The following TPSAB1 variants were observed in gnomAD, a reference collection of about 807,000 sequenced individuals.
TPSAB1 encodes the protein tryptase alpha/beta 1.
In TPSAB1, 15 loss-of-function variants were observed where a neutral mutation model predicts 21.8. The ratio of observed to expected loss-of-function variants is 0.69; its 90% CI spans 0.46 to 1.06. The LOEUF is 1.06. Among genes scored for constraint, TPSAB1 ranks in the 50% least tolerant of loss-of-function variants. TPSAB1 has a pLI of 0.00. For missense variants in TPSAB1, 186 were observed against 311.2 expected (o/e 0.60, Z 3.03); for synonymous variants, 74 against 140.4 (o/e 0.53, Z 3.34).
rs367796167 is a variant in TPSAB1 at position 1,242,116 on chromosome 16, C to A, written c.704C>A (p.Thr235Asn). The change falls in exon 6 of 6, where the codon ACC becomes AAC. Residue 235 changes from threonine (T) to asparagine (N), a missense_variant. Thr to Asn is a moderately conservative substitution (Grantham distance 65). Around this residue, in one of 4 missense-constraint regions of TPSAB1, gnomAD observed 85 missense variants for 104.3 expected, o/e 0.81. Transcript: ENST00000338844. The stretch of plus-strand genomic sequence containing the variant: ...CCCCTGGTGTGCAAGGTGAATGGCA[C>A]CTGGCTGCAGGCGGGCGTGGTCAGC... ...GGPLVCKVNG[T>N]WLQAGVVSWG... 4 of 1,525,634 alleles carry A rather than the reference C, an allele frequency of 2.6e-6. No individual in the cohort carries two copies. In the South Asian group the frequency reaches 4.6e-5, roughly 18 times the overall value. 94.5% of individuals were successfully genotyped at this position (1,525,634 alleles called of 1,614,324 possible). A position where few individuals can be genotyped will look rare whatever the true frequency, so the allele number is the denominator to read the frequency against.
Position 1,242,283 on chromosome 16 carries a change from C to T in TPSAB1, c.*43C>T, listed in dbSNP as rs774357782. Reference sequence around the variant, plus strand: ...CACCTGGGTCACTGGAGGACCAACCCCTGCTGTCCAAAACACCACTGCTTC... The same window carrying T: ...CACCTGGGTCACTGGAGGACCAACCTCTGCTGTCCAAAACACCACTGCTTC... On this transcript the variant is annotated 3_prime_UTR_variant, in exon 6 of 6. Coordinates refer to ENST00000338844, the MANE Select transcript of TPSAB1 (RefSeq NM_003294.4). The T allele has an allele frequency of 9.3e-6, 15 of 1,610,050 alleles. 2 individuals are homozygous for T. The South Asian group carries it at 1.0e-4, about 11-fold the overall frequency.
rs2234906 is a variant in TPSAB1, at chr16:1,241,974, G to A, written c.647G>A (p.Arg216Gln). ...GACATGCTGTGTGCCGGGAACACCCGGAGGGACTCATGCCAGGTGGGCCCC... is the reference window on the plus strand; with the variant it reads ...GACATGCTGTGTGCCGGGAACACCCAGAGGGACTCATGCCAGGTGGGCCCC... Reference protein sequence around the residue: ...RDDMLCAGNTRRDSCQGDSGG... With the variant: ...RDDMLCAGNTQRDSCQGDSGG... Residue 216 changes from arginine (R) to glutamine (Q), a missense_variant, in exon 5 of 6, where the codon CGG becomes CAG. Physicochemically the swap from Arg to Gln is conservative, Grantham distance 43. This residue lies in a region of TPSAB1 where 85 missense variants were observed against 104.3 expected (regional missense o/e 0.81). Transcript: ENST00000338844. 51,910 of 533,364 alleles carry A rather than the reference G, an allele frequency of 0.097. 56 individuals carry two copies. Among genetic ancestry groups the A allele is most frequent in the Middle Eastern group, 0.13 (253 of 1,992 alleles). The allele number at this position is 533,364 out of a possible 1,614,324, so 33.0% of individuals were successfully genotyped here.
chr16:1,242,244 A>C lies in TPSAB1; in HGVS notation c.*4A>C. The C allele has an allele frequency of 6.2e-7, 1 of 1,612,534 alleles. No homozygotes were observed. The highest frequency in any genetic ancestry group is 8.5e-7 in the Non-Finnish European group (1 of 1,179,460). Reference sequence around the variant, plus strand: ...CTATGTCCCCAAAAAGCCGTGAGTCAGGCCTGGGTTGGCCACCTGGGTCAC... The same window carrying C: ...CTATGTCCCCAAAAAGCCGTGAGTCCGGCCTGGGTTGGCCACCTGGGTCAC... On this transcript the variant is annotated 3_prime_UTR_variant, in exon 6 of 6. Transcript: ENST00000338844.
In TPSAB1 at chr16:1,241,942, C is replaced by T; in HGVS notation, c.615C>T (p.Val205=). 1 of 575,822 alleles carries T rather than the reference C, an allele frequency of 1.7e-6. No individual in the cohort carries two copies. Among genetic ancestry groups the T allele is most frequent in the Non-Finnish European group, 2.7e-6 (1 of 369,006 alleles). 35.7% of individuals were successfully genotyped at this position (575,822 alleles called of 1,614,324 possible). ...GAYTGDDVRI[V]RDDMLCAGNT... ...ACACGGGAGACGACGTCCGCATCGT[C>T]CGTGACGACATGCTGTGTGCCGGGA... Residue 205 remains valine, a synonymous_variant, in exon 5 of 6, where the codon GTC becomes GTT. Coordinates refer to ENST00000338844, the MANE Select transcript of TPSAB1 (RefSeq NM_003294.4).
intron 3 of TPSAB1, 52 bp from the exon 4 acceptor site, chr16:1,241,382 G>C (rs1402212865): frequency 1.2e-6 from 2 of 1,606,118 alleles, no homozygotes; most frequent in African/African-American, 1.3e-5. Context: ...CCTGGCTCCC[G>C]GGTGCTCCTG....
intron 5 of TPSAB1, 21 bp downstream of exon 5, chr16:1,242,011 GC>G (rs755597001): frequency 1.5e-5 from 2 of 132,454 alleles, no homozygotes; most frequent in South Asian, 4.2e-5. Flanking sequence ...CCTGTCCCCC[GC>G]CCCCCGCCCC....
Position 1,241,519 on chromosome 16 carries a change from A to G in TPSAB1, c.319A>G (p.Ile107Val). ...GGACCAGCTGCTGCCGGTCAGCAGG[A>G]TCATCGTGCACCCACAGTTCTACAC... ...YQDQLLPVSR[I>V]IVHPQFYTAQ... The change falls in exon 4 of 6, where the codon ATC (isoleucine) becomes GTC (valine). Residue 107 changes from isoleucine to valine, a missense_variant. By Grantham distance (29) the Ile-to-Val change is conservative. Transcript: ENST00000338844. 1 of 1,492,444 alleles carries G rather than the reference A, an allele frequency of 6.7e-7. No homozygotes were observed. The highest frequency in any genetic ancestry group is 9.0e-7 in the Non-Finnish European group (1 of 1,107,730). 92.5% of individuals were successfully genotyped at this position (1,492,444 alleles called of 1,614,324 possible). A position where few individuals can be genotyped will look rare whatever the true frequency, so the allele number is the denominator to read the frequency against.
At position 1,241,200 on chromosome 16, in the gene TPSAB1, G is replaced by A. The variant is rs769185571; in HGVS notation, c.109G>A (p.Ala37Thr). Residue 37 changes from alanine (A) to threonine (T), a missense_variant, in exon 3 of 6, where the codon GCC becomes ACC. Coordinates refer to ENST00000338844, the MANE Select transcript of TPSAB1 (RefSeq NM_003294.4). The part of the protein sequence containing the change: ...QRVGIVGGQE[A>T]PRSKWPWQVS... Reference sequence around the variant, plus strand: ...AGTGGGCATCGTCGGGGGTCAGGAGGCCCCCAGGAGCAAGTGGCCCTGGCA... The same window carrying A: ...AGTGGGCATCGTCGGGGGTCAGGAGACCCCCAGGAGCAAGTGGCCCTGGCA... 7.4e-6 allele frequency: 12 copies of A among 1,610,988 alleles called. No individual in the cohort carries two copies. Among genetic ancestry groups the A allele is most frequent in the South Asian group, 2.2e-5 (2 of 90,702 alleles).
In TPSAB1 at chr16:1,242,423, C is replaced by T. The variant is rs1353696803; in HGVS notation, c.*183C>T. 3 of 389,340 alleles carry T rather than the reference C, an allele frequency of 7.7e-6. No homozygotes were observed. Among genetic ancestry groups the T allele is most frequent in the Non-Finnish European group, 7.6e-6 (2 of 261,686 alleles). 24.1% of individuals were successfully genotyped at this position (389,340 alleles called of 1,614,324 possible). A position where few individuals can be genotyped will look rare whatever the true frequency, so the allele number is the denominator to read the frequency against. ...CTTCCCCTGTCCTGAGGACCCTTCC[C>T]TATCCTGAGCCCCCTTCCCTGTCCT... On this transcript the variant is annotated 3_prime_UTR_variant, in exon 6 of 6. Transcript: ENST00000338844.
rs1567574102 is a variant in TPSAB1, at chr16:1,242,282, C to T, written c.*42C>T. The stretch of plus-strand genomic sequence containing the variant: ...CCACCTGGGTCACTGGAGGACCAAC[C>T]CCTGCTGTCCAAAACACCACTGCTT... On this transcript the variant is annotated 3_prime_UTR_variant, in exon 6 of 6. Coordinates refer to ENST00000338844, the MANE Select transcript of TPSAB1 (RefSeq NM_003294.4). 7 of 1,609,982 alleles carry T rather than the reference C, an allele frequency of 4.3e-6. No homozygotes were observed.
In TPSAB1 at chr16:1,242,276, A is replaced by T. The variant is rs368242113; in HGVS notation, c.*36A>T. On this transcript the variant is annotated 3_prime_UTR_variant, in exon 6 of 6. Coordinates refer to ENST00000338844, the MANE Select transcript of TPSAB1 (RefSeq NM_003294.4). ...GGTTGGCCACCTGGGTCACTGGAGG[A>T]CCAACCCCTGCTGTCCAAAACACCA... The T allele has an allele frequency of 6.2e-7, 1 of 1,610,822 alleles. No individual in the cohort carries two copies. The highest frequency in any genetic ancestry group is 1.7e-5 in the Admixed American group (1 of 59,930).
In TPSAB1 at chr16:1,241,338, G is replaced by T; in HGVS notation, c.233+14G>T. 6.2e-7 allele frequency: 1 copy of T among 1,612,198 alleles called. No individual in the cohort carries two copies. The highest frequency in any genetic ancestry group is 8.5e-7 in the Non-Finnish European group (1 of 1,179,146). Reference sequence around the variant, plus strand: ...CTGCGTGGGACCGTGAGTCTCCCGGGGCCTGGAGGGGTGGGGAAGGGCTGG... The same window carrying T: ...CTGCGTGGGACCGTGAGTCTCCCGGTGCCTGGAGGGGTGGGGAAGGGCTGG... On this transcript the variant is annotated intron_variant, in intron 3 of 5. Transcript: ENST00000338844.
rs1596496191 is a variant in TPSAB1 at position 1,242,381 on chromosome 16, T to C, written c.*141T>C. The stretch of plus-strand genomic sequence containing the variant: ...GTGCCCCTTCCTGTCCTAAGCCCCC[T>C]GCTCTCTTCTGAGCCCCTTCCCCTG... On this transcript the variant is annotated 3_prime_UTR_variant, in exon 6 of 6. Coordinates refer to ENST00000338844, the MANE Select transcript of TPSAB1 (RefSeq NM_003294.4). 3.4e-6 allele frequency: 2 copies of C among 592,608 alleles called. No homozygotes were observed. Among genetic ancestry groups the C allele is most frequent in the African/African-American group, 2.7e-5 (1 of 37,522 alleles). The allele number at this position is 592,608 out of a possible 1,614,324, so 36.7% of individuals were successfully genotyped here.
Position 1,242,005 on chromosome 16 carries a change from T to TTCCCC in TPSAB1, c.663+15_663+16insTCCCC. 1 of 255,958 alleles carries TTCCCC rather than the reference T, an allele frequency of 3.9e-6. No homozygotes were observed. Among genetic ancestry groups the TTCCCC allele is most frequent in the Non-Finnish European group, 6.9e-6 (1 of 144,868 alleles). 15.9% of individuals were successfully genotyped at this position (255,958 alleles called of 1,614,324 possible). On this transcript the variant is annotated intron_variant, in intron 5 of 5. Coordinates refer to ENST00000338844, the MANE Select transcript of TPSAB1 (RefSeq NM_003294.4). ...ACTCATGCCAGGTGGGCCCCGCCTG[T>TTCCCC]CCCCCGCCCCCCGCCCCCCAACCCC...
rs2030688980 is a variant in TPSAB1 at position 1,242,299 on chromosome 16, C to G, written c.*59C>G. On this transcript the variant is annotated 3_prime_UTR_variant, in exon 6 of 6. Transcript: ENST00000338844. Reference sequence around the variant, plus strand: ...GGACCAACCCCTGCTGTCCAAAACACCACTGCTTCCTACCCAGGTGGCGAC... The same window carrying G: ...GGACCAACCCCTGCTGTCCAAAACAGCACTGCTTCCTACCCAGGTGGCGAC... 9 of 1,602,878 alleles carry G rather than the reference C, an allele frequency of 5.6e-6. No homozygotes were observed. The South Asian group carries it at 9.0e-5, about 16-fold the overall frequency.
chr16:1,242,295 A>T lies in TPSAB1; in HGVS notation c.*55A>T. The T allele has an allele frequency of 6.2e-7, 1 of 1,606,118 alleles. No homozygotes were observed. On this transcript the variant is annotated 3_prime_UTR_variant, in exon 6 of 6. Transcript: ENST00000338844. ...TGGAGGACCAACCCCTGCTGTCCAA[A>T]ACACCACTGCTTCCTACCCAGGTGG... is the stretch of plus-strand genomic sequence containing the variant.
At position 1,241,239 on chromosome 16, in the gene TPSAB1, G is replaced by T. The variant is rs148707892; in HGVS notation, c.148G>T (p.Val50Phe). ...GTGGCCCTGGCAGGTGAGCCTGAGA[G>T]TCCACGGCCCATACTGGATGCACTT... ...SKWPWQVSLRVHGPYWMHFCG... is the reference protein window; with the variant it reads ...SKWPWQVSLRFHGPYWMHFCG... Residue 50 changes from valine (V) to phenylalanine (F), a missense_variant, in exon 3 of 6, where the codon GTC becomes TTC. Val to Phe is a conservative substitution (Grantham distance 50, BLOSUM62 -1). Around this residue, in one of 4 missense-constraint regions of TPSAB1, gnomAD observed 89 missense variants for 74.9 expected, o/e 1.19. Coordinates refer to ENST00000338844, the MANE Select transcript of TPSAB1 (RefSeq NM_003294.4). 7 of 1,612,350 alleles carry T rather than the reference G, an allele frequency of 4.3e-6. No individual in the cohort carries two copies. Among genetic ancestry groups the T allele is most frequent in the Admixed American group, 3.3e-5 (2 of 59,998 alleles).
intron 3 of TPSAB1, 24 bp downstream of exon 3, chr16:1,241,348 G>A (rs752329031): frequency 6.8e-5 from 110 of 1,612,008 alleles, no homozygotes; most frequent in East Asian, 2.5e-4. Context: ...GGCCTGGAGG[G>A]GTGGGGAAGG....
chr16:1,242,292 C>G lies in TPSAB1; in HGVS notation c.*52C>G, dbSNP rs1257057841. On this transcript the variant is annotated 3_prime_UTR_variant, in exon 6 of 6. Transcript: ENST00000338844. The stretch of plus-strand genomic sequence containing the variant: ...CACTGGAGGACCAACCCCTGCTGTC[C>G]AAAACACCACTGCTTCCTACCCAGG... 2 of 1,606,886 alleles carry G rather than the reference C, an allele frequency of 1.2e-6. No homozygotes were observed. The highest frequency in any genetic ancestry group is 1.3e-5 in the African/African-American group (1 of 74,756).
Sources: gnomAD v4.1 joint callset for allele counts on GRCh38, gnomAD v4.1.1 for gene constraint, gnomAD v4.1.1 regional missense constraint, MANE v1.5 for transcripts, NCBI Gene and HGNC (gene_info 2026-07-23, HGNC 2026-07-21) for gene names.